CHST11: variants seen among roughly 807,000 people sequenced by gnomAD.
CHST11 encodes the protein carbohydrate sulfotransferase 11, also known as C4S-1.
Under a neutral mutation model 30.4 loss-of-function variants are expected in CHST11, and 9 were observed. The observed-to-expected ratio is 0.30, with a 90% CI of 0.18 to 0.52. The LOEUF is 0.52. Among genes scored for constraint, CHST11 ranks in the 20% least tolerant of loss-of-function variants. CHST11 has a pLI of 0.97. For missense variants in CHST11, 348 were observed against 460.6 expected (o/e 0.76, Z 2.24); for synonymous variants, 152 against 187.8 (o/e 0.81, Z 1.56).
intron 1 of CHST11, among the ~76,000 whole-genome samples, chr12:104,551,501 T>A (rs2038404440): frequency 2.6e-5 from 4 of 152,094 alleles, no homozygotes; most frequent in African/African-American, 9.7e-5. Context: ...AATCACCCAG[T>A]TTCAGTCCCT....
intron 2 of CHST11, among the ~76,000 whole-genome samples, chr12:104,617,089 G>A (rs1326127763): frequency 2.0e-5 from 3 of 152,184 alleles, no homozygotes; most frequent in African/African-American, 7.2e-5. Flanking sequence ...TCTGGATGCA[G>A]TAAATACTCA....
chr12:104,708,086 G>C (rs941446405), intron 2 of CHST11, among the ~76,000 whole-genome samples: 1 of 152,176 alleles, frequency 6.6e-6, no homozygotes, highest in Non-Finnish European at 1.5e-5. Context: ...TCTCCTCCCC[G>C]GGGAGATTGT....
intron 1 of CHST11, among the ~76,000 whole-genome samples, chr12:104,459,528 A>G (rs2037387766): frequency 6.6e-6 from 1 of 152,266 alleles, no homozygotes; most frequent in South Asian, 2.1e-4. Context: ...TTAATTGCCC[A>G]GGGAAATACA....
rs948295438 is a variant in CHST11 at position 104,536,394 on chromosome 12, G to A, written c.119-65512G>A. 2.0e-5 allele frequency among the ~76,000 whole-genome samples: 3 copies of A among 152,174 alleles called. No individual in the cohort carries two copies. In the East Asian group the frequency reaches 5.8e-4, roughly 29 times the overall value. On this transcript the variant is annotated intron_variant, in intron 1 of 2. Coordinates refer to ENST00000303694, the MANE Select transcript of CHST11 (RefSeq NM_018413.6). ...GGTAAAGACTTCCTACTCAATGTGT[G>A]GTCATAGGACCAGCAGTATCAGCAC...
Position 104,514,491 on chromosome 12 carries a change from A to G in CHST11, c.118+56962A>G, listed in dbSNP as rs112796340. 1,542 of 692,406 alleles carry G rather than the reference A, an allele frequency of 2.2e-3. 25 individuals are homozygous for G. The African/African-American group carries it at 0.023, about 10-fold the overall frequency. 42.9% of individuals were successfully genotyped at this position (692,406 alleles called of 1,614,324 possible). A position where few individuals can be genotyped will look rare whatever the true frequency, so the allele number is the denominator to read the frequency against. On this transcript the variant is annotated intron_variant, in intron 1 of 2. Transcript: ENST00000303694. ...CCTGCTGCTACGACTCCATACCATTACTGGTGCTGGGATGTGCTAAGCTTT... is the reference window on the plus strand; with the variant it reads ...CCTGCTGCTACGACTCCATACCATTGCTGGTGCTGGGATGTGCTAAGCTTT...
chr12:104,596,586 T>C (rs895676622), intron 1 of CHST11, among the ~76,000 whole-genome samples: 7 of 151,738 alleles, frequency 4.6e-5, no homozygotes, highest in Non-Finnish European at 8.8e-5. Context: ...CTACTTGCCC[T>C]TGCTGACTGT....
intron 1 of CHST11, among the ~76,000 whole-genome samples, chr12:104,523,922 C>T (rs1199174154): frequency 6.6e-6 from 1 of 152,172 alleles, no homozygotes; most frequent in African/African-American, 2.4e-5. Context: ...ATCCACATAG[C>T]TTGTCTTTAG....
intron 1 of CHST11, among the ~76,000 whole-genome samples, chr12:104,499,881 C>T (rs1322422616): frequency 3.3e-5 from 5 of 152,194 alleles, no homozygotes; most frequent in African/African-American, 1.2e-4. Context: ...GAGCCCCCTG[C>T]ACCTGGTACA....
intron 1 of CHST11, among the ~76,000 whole-genome samples, chr12:104,558,544 C>CTT (rs1381967756): frequency 8.2e-6 from 1 of 121,922 alleles, no homozygotes; most frequent in African/African-American, 3.2e-5. Flanking sequence ...AAATTCCCCC[C>CTT]CCCGCCCCCC....
chr12:104,457,584 A>G, intron 1 of CHST11, 55 bp downstream of exon 1: 3 of 1,267,976 alleles, frequency 2.4e-6, no homozygotes, highest in Middle Eastern at 1.9e-4. Context: ...CTCGCGCTCT[A>G]GCTCGCTCCG....
chr12:104,524,484 A>G (rs986340223), intron 1 of CHST11, among the ~76,000 whole-genome samples: 17 of 151,454 alleles, frequency 1.1e-4, no homozygotes, highest in African/African-American at 3.7e-4. Context: ...AGTTCTTGAC[A>G]GAGAATTTCA....
Position 104,676,651 on chromosome 12 carries a change from G to A in CHST11, c.204+74660G>A, listed in dbSNP as rs1025355668. Among the ~76,000 whole-genome samples, 7 of 152,228 alleles carry A rather than the reference G, an allele frequency of 4.6e-5. No individual in the cohort carries two copies. Among genetic ancestry groups the A allele is most frequent in the African/African-American group, 1.4e-4 (6 of 41,466 alleles). On this transcript the variant is annotated intron_variant, in intron 2 of 2. Transcript: ENST00000303694. This position sits in a 1 kb window ranked among gnomAD's most constrained non-coding sequence, Gnocchi z 4.4. ...GATGGTCTCGATCTCCTGACCTTGT[G>A]ATCGGCCTCCCAAAGTGTTGGGATT...
intron 1 of CHST11, among the ~76,000 whole-genome samples, chr12:104,524,357 C>T (rs1313222345): frequency 2.0e-5 from 3 of 152,164 alleles, no homozygotes. Flanking sequence ...GCATTTGACC[C>T]TTAGTCAGAG....
chr12:104,658,310 G>A (rs1402256729), intron 2 of CHST11, among the ~76,000 whole-genome samples: 2 of 152,238 alleles, frequency 1.3e-5, no homozygotes, highest in Admixed American at 1.3e-4. Context: ...AGAAGGGGCT[G>A]TCCCAGGCCT....
intron 2 of CHST11, among the ~76,000 whole-genome samples, chr12:104,744,382 G>C (rs989181849): frequency 6.6e-6 from 1 of 152,112 alleles, no homozygotes; most frequent in Non-Finnish European, 1.5e-5. Flanking sequence ...TTGTATGATT[G>C]TTGGCCTCAT....
intron 2 of CHST11, among the ~76,000 whole-genome samples, chr12:104,710,343 G>A (rs1306217700): frequency 3.9e-5 from 6 of 152,210 alleles, no homozygotes; most frequent in Non-Finnish European, 8.8e-5. Context: ...AGTTGGTGCT[G>A]GCTGTCTCCA....
chr12:104,470,984 C>A (rs1421907518), intron 1 of CHST11, among the ~76,000 whole-genome samples: 1 of 152,214 alleles, frequency 6.6e-6, no homozygotes, highest in Non-Finnish European at 1.5e-5. Context: ...TACACGCTAT[C>A]CCTGGTGAGC....
intron 1 of CHST11, among the ~76,000 whole-genome samples, chr12:104,559,491 C>T (rs1345916879): frequency 1.3e-5 from 2 of 152,196 alleles, no homozygotes; most frequent in Non-Finnish European, 2.9e-5. Context: ...GCCTGTAATC[C>T]CAGCACTTTG....
chr12:104,457,521 T>G lies in CHST11; in HGVS notation c.110T>G (p.Leu37Trp). The G allele has an allele frequency of 1.2e-6, 2 of 1,610,294 alleles. No individual in the cohort carries two copies. The highest frequency in any genetic ancestry group is 1.7e-6 in the Non-Finnish European group (2 of 1,176,440). Reference protein sequence around the residue: ...ILVIFYFQSMLHPVMRRNPFG... With the variant: ...ILVIFYFQSMWHPVMRRNPFG... ...GTCATCTTCTATTTCCAAAGTATGT[T>G]GCACCCAGGTAGGGGGCGCGTTAGC... The change falls in exon 1 of 3, where the codon TTG becomes TGG. Residue 37 changes from leucine (L) to tryptophan (W), a missense_variant. Leu to Trp is a moderately conservative substitution (Grantham distance 61). This residue lies in a region of CHST11 where 135 missense variants were observed against 155.8 expected (regional missense o/e 0.87). Transcript: ENST00000303694.
Sources: gnomAD v4.1 joint callset for allele counts (sites outside exome capture counted in the v4.1 genomes callset) on GRCh38, gnomAD v4.1.1 for gene constraint, gnomAD v4.1.1 regional missense constraint, Gnocchi (gnomAD v3.1) non-coding constraint, MANE v1.5 for transcripts, NCBI Gene and HGNC (gene_info 2026-07-23, HGNC 2026-07-21) for gene names.